The following AKAP3 variants were observed in gnomAD, a reference collection of about 807,000 sequenced individuals.
AKAP3 encodes A-kinase anchor protein 3.
In AKAP3, 27 loss-of-function variants were observed where a neutral mutation model predicts 57.2. The ratio of observed to expected loss-of-function variants is 0.47; its 90% CI spans 0.35 to 0.65. The LOEUF is 0.65. AKAP3 is among the 30% of genes least tolerant of loss of function. The pLI, the probability that AKAP3 is intolerant of heterozygous loss-of-function variation, is 0.01. For synonymous variants in AKAP3, 334 were observed against 392.3 expected (o/e 0.85, Z 1.76); for missense variants, 959 against 1,040.0 (o/e 0.92, Z 1.07).
Position 4,627,700 on chromosome 12 carries a change from G to A in AKAP3, c.1202C>T (p.Ala401Val). ...PEHVRKAQDK[A>V]ESYSLISMKG... is the part of the protein sequence containing the mutation. ...CATGGAGATGAGGGAATAACTCTCA[G>A]CCTTGTCTTGGGCTTTCCTGACATG... The change falls in exon 5 of 6, where the codon GCT (alanine) becomes GTT (valine). Residue 401 changes from alanine to valine, a missense_variant. Physicochemically the swap from Ala to Val is moderately conservative, Grantham distance 64 (BLOSUM62 0). Coordinates refer to ENST00000228850, the MANE Select transcript of AKAP3 (RefSeq NM_001278309.2). 1 of 1,614,130 alleles carries A rather than the reference G, an allele frequency of 6.2e-7. No individual in the cohort carries two copies. Among genetic ancestry groups the A allele is most frequent in the Non-Finnish European group, 8.5e-7 (1 of 1,180,040 alleles).
At chr12:4,638,022 A>G in intron 4 of AKAP3, 79 bp downstream of exon 4, 1 of 1,179,538 alleles carries the variant, frequency 8.5e-7, no homozygotes, top group Non-Finnish European at 1.3e-6. Flanking sequence ...GGTTGGTGGT[A>G]TGGTGGAGAG....
chr12:4,627,632 T>G lies in AKAP3; in HGVS notation c.1270A>C (p.Met424Leu), dbSNP rs187734871. ...DPKNRNVNFA[M>L]KSETKLREKM... ...TCTCTCAATTTAGTTTCAGATTTCATGGCAAAGTTCACATTTCGGTTTTTA... is the reference window on the plus strand; with the variant it reads ...TCTCTCAATTTAGTTTCAGATTTCAGGGCAAAGTTCACATTTCGGTTTTTA... Residue 424 changes from methionine (M) to leucine (L), a missense_variant, in exon 5 of 6, where the codon ATG becomes CTG. Physicochemically the swap from Met to Leu is conservative, Grantham distance 15. Transcript: ENST00000228850. 36 of 1,613,976 alleles carry G rather than the reference T, an allele frequency of 2.2e-5. No homozygotes were observed. Among genetic ancestry groups the G allele is most frequent in the Middle Eastern group, 3.3e-4 (2 of 6,084 alleles).
Position 4,615,754 on chromosome 12 carries a change from C to G in AKAP3, c.2547G>C (p.Leu849=), listed in dbSNP as rs1407266673. The G allele has an allele frequency of 6.2e-7, 1 of 1,614,042 alleles. No individual in the cohort carries two copies. The highest frequency in any genetic ancestry group is 8.5e-7 in the Non-Finnish European group (1 of 1,179,940). ...GGGTTGCCGATTACAGGTTCACCAT[C>G]AGCCAGTCCAGCAGCTGCAGCGGTG... The part of the protein sequence containing the change: ...NVTPLQLLDW[L]MVNL The change falls in exon 6 of 6, where the codon CTG becomes CTC. Residue 849 remains leucine, a synonymous_variant. Coordinates refer to ENST00000228850, the MANE Select transcript of AKAP3 (RefSeq NM_001278309.2).
rs1220029264 is a variant in AKAP3 at position 4,618,248 on chromosome 12, A to G, written c.2407-2354T>C. Among the ~76,000 whole-genome samples the G allele has an allele frequency of 3.9e-5, 6 of 152,332 alleles. No individual in the cohort carries two copies. The East Asian group carries it at 5.8e-4, about 15-fold the overall frequency. The stretch of plus-strand genomic sequence containing the variant: ...TACCAAAAACCTCACTTCAAATATA[A>G]TAAGTTAAAATTATAAGAAAAGATG... On this transcript the variant is annotated intron_variant, in intron 5 of 5. Transcript: ENST00000228850.
At chr12:4,639,960 G>A (rs1429512662) in intron 3 of AKAP3, among the ~76,000 whole-genome samples, 1 of 151,820 alleles carries the variant, frequency 6.6e-6, no homozygotes, top group Non-Finnish European at 1.5e-5. Context: ...GGGACTACAG[G>A]CACCTGCCAC....
chr12:4,647,894 C>T (rs113780404), intron 1 of AKAP3: 2 of 152,254 alleles, frequency 1.3e-5, no homozygotes, highest in African/African-American at 4.8e-5. Context: ...GATTTCAAGC[C>T]TAGTAATAAG....
Position 4,628,441 on chromosome 12 carries a change from C to T in AKAP3, c.461G>A (p.Cys154Tyr). 1 of 1,614,164 alleles carries T rather than the reference C, an allele frequency of 6.2e-7. No homozygotes were observed. Among genetic ancestry groups the T allele is most frequent in the Non-Finnish European group, 8.5e-7 (1 of 1,180,018 alleles). ...NEKIDGSENK[C>Y]VYQSLYMGNE... ...CCCCATGTACAATGACTGATAGACA[C>T]ATTTGTTTTCAGAGCCATCGATCTT... The change falls in exon 5 of 6, where the codon TGT (cysteine) becomes TAT (tyrosine). Residue 154 changes from cysteine (C) to tyrosine (Y), a missense_variant. Transcript: ENST00000228850.
chr12:4,619,726 C>T (rs1030879140), intron 5 of AKAP3, among the ~76,000 whole-genome samples: 2 of 152,146 alleles, frequency 1.3e-5, no homozygotes, highest in Non-Finnish European at 2.9e-5. Context: ...TGCTCATAGT[C>T]GCATTACTCA....
rs1336756941 is a variant in AKAP3 at position 4,627,686 on chromosome 12, G to A, written c.1216C>T (p.Leu406Phe). 2 of 1,614,066 alleles carry A rather than the reference G, an allele frequency of 1.2e-6. No homozygotes were observed. Among genetic ancestry groups the A allele is most frequent in the Admixed American group, 3.3e-5 (2 of 60,026 alleles). ...KAQDKAESYS[L>F]ISMKGMGDPK... ...TCACCCATTCCTTTCATGGAGATGA[G>A]GGAATAACTCTCAGCCTTGTCTTGG... Residue 406 changes from leucine (L) to phenylalanine (F), a missense_variant, in exon 5 of 6, where the codon CTC (leucine) becomes TTC (phenylalanine). Physicochemically the swap from Leu to Phe is conservative, Grantham distance 22. Transcript: ENST00000228850.
intron 5 of AKAP3, among the ~76,000 whole-genome samples, chr12:4,617,202 T>C (rs1945295787): frequency 6.6e-6 from 1 of 152,182 alleles, no homozygotes; most frequent in South Asian, 2.1e-4. Flanking sequence ...AGAAAAAAAC[T>C]TGCCAAATTA....
intron 4 of AKAP3, among the ~76,000 whole-genome samples, chr12:4,629,731 T>G (rs964951919): frequency 6.6e-6 from 1 of 152,248 alleles, no homozygotes; most frequent in Admixed American, 6.5e-5. Context: ...TGCTATTTTC[T>G]ATGGTTTACC....
chr12:4,622,480 C>T (rs899815645), intron 5 of AKAP3, among the ~76,000 whole-genome samples: 1 of 152,108 alleles, frequency 6.6e-6, no homozygotes, highest in Non-Finnish European at 1.5e-5. Context: ...TAAGGCCACA[C>T]AGCTACAACC....
intron 5 of AKAP3, among the ~76,000 whole-genome samples, chr12:4,622,164 T>C (rs1017600079): frequency 2.6e-5 from 4 of 152,202 alleles, no homozygotes; most frequent in Admixed American, 6.5e-5. Context: ...TCCATTCTCA[T>C]GGATAGAAAG....
intron 5 of AKAP3, among the ~76,000 whole-genome samples, chr12:4,624,928 C>A (rs991295906): frequency 7.0e-6 from 1 of 142,582 alleles, no homozygotes; most frequent in Non-Finnish European, 1.6e-5. Flanking sequence ...AAGTCTAAAG[C>A]CAGAATGTAT....
chr12:4,625,905 G>A lies in AKAP3; in HGVS notation c.2406+591C>T, dbSNP rs12311760. On this transcript the variant is annotated intron_variant, in intron 5 of 5. Transcript: ENST00000228850. The surrounding 1 kb of genome is among the most constrained non-coding windows in gnomAD (Gnocchi z 5.4). ...TGGAGGACAAGAACTTATCAGGCAC[G>A]TTTACCTTTATCAGTAATAACAGTG... Among the ~76,000 whole-genome samples the A allele has an allele frequency of 9.8e-3, 1,498 of 152,214 alleles. 16 individuals are homozygous for A. The highest frequency in any genetic ancestry group is 0.027 in the African/African-American group (1,118 of 41,530).
intron 2 of AKAP3, among the ~76,000 whole-genome samples, chr12:4,643,742 G>A (rs1295651571): frequency 6.6e-6 from 1 of 152,192 alleles, no homozygotes; most frequent in Non-Finnish European, 1.5e-5. Context: ...AGTCATGAAA[G>A]GCATAAGCAA....
Position 4,626,965 on chromosome 12 carries a change from G to T in AKAP3, c.1937C>A (p.Thr646Asn), listed in dbSNP as rs771111003. 1 of 1,614,106 alleles carries T rather than the reference G, an allele frequency of 6.2e-7. No individual in the cohort carries two copies. Among genetic ancestry groups the T allele is most frequent in the South Asian group, 1.1e-5 (1 of 91,076 alleles). ...GGTCAGCCCAGAAAGGGCACCAGGG[G>T]TCTCATCATCCTCATATAGCCTGGG... ...SPPRLYEDDE[T>N]PGALSGLTKM... The change falls in exon 5 of 6, where the codon ACC becomes AAC. Residue 646 changes from threonine (T) to asparagine (N), a missense_variant. Coordinates refer to ENST00000228850, the MANE Select transcript of AKAP3 (RefSeq NM_001278309.2).
At chr12:4,647,081 C>T (rs1225891118) in intron 1 of AKAP3, among the ~76,000 whole-genome samples, 4 of 152,146 alleles carry the variant, frequency 2.6e-5, no homozygotes, top group Non-Finnish European at 1.5e-5. Flanking sequence ...CCGCACCTGG[C>T]CTCTTCGTCT....
intron 5 of AKAP3, among the ~76,000 whole-genome samples, chr12:4,616,553 A>G (rs964972279): frequency 6.6e-6 from 1 of 152,262 alleles, no homozygotes; most frequent in African/African-American, 2.4e-5. Flanking sequence ...AGGGCAGGCA[A>G]ATAAACACAC....
Sources: gnomAD v4.1 joint callset for allele counts (sites outside exome capture counted in the v4.1 genomes callset) on GRCh38, gnomAD v4.1.1 for gene constraint, Gnocchi (gnomAD v3.1) non-coding constraint, MANE v1.5 for transcripts, NCBI Gene and HGNC (gene_info 2026-07-23, HGNC 2026-07-21) for gene names.